The following DMD variants were observed in gnomAD, a reference collection of about 807,000 sequenced individuals.
DMD encodes the protein mutant dystrophin.
DMD carries 63 observed loss-of-function variants against 330.1 expected under a neutral mutation model. The observed-to-expected ratio is 0.19, with a 90% CI of 0.16 to 0.24. DMD has a LOEUF of 0.24. Among genes scored for constraint, DMD ranks in the 10% least tolerant of loss-of-function variants. The pLI is 1.00. For synonymous variants in DMD, 1,223 were observed against 959.8 expected (o/e 1.27, Z -5.07); for missense variants, 3,344 against 2,684.1 (o/e 1.25, Z -5.43).
At chrX:31,610,355 T>C (rs1447317492) in intron 55 of DMD, among the ~76,000 whole-genome samples, 1 of 111,832 alleles carries the variant, frequency 8.9e-6, no homozygotes, top group Non-Finnish European at 1.9e-5. Context: ...AAGTTACTAA[T>C]TAATTTGTAA....
chrX:31,552,375 AT>A (rs1249523454), intron 55 of DMD, among the ~76,000 whole-genome samples: 1 of 110,732 alleles, frequency 9.0e-6, no homozygotes, highest in Non-Finnish European at 1.9e-5. Flanking sequence ...GTCCCACTAG[AT>A]TGCTAGGGTT....
At chrX:33,174,034 C>CAAAA (rs200540950) in intron 1 of DMD, among the ~76,000 whole-genome samples, 10 of 52,731 alleles carry the variant, frequency 1.9e-4, no homozygotes, top group Non-Finnish European at 3.5e-4. Flanking sequence ...TTGGTAACTA[C>CAAAA]AAAAAAAAAA....
intron 3 of DMD, among the ~76,000 whole-genome samples, chrX:32,846,220 A>G (rs1226722370): frequency 8.9e-6 from 1 of 111,860 alleles, no homozygotes; most frequent in East Asian, 2.8e-4. Context: ...TACAGAAGTG[A>G]ACCTCAGGTT....
chrX:31,864,021 C>T (rs1298729881), intron 48 of DMD, among the ~76,000 whole-genome samples: 1 of 110,393 alleles, frequency 9.1e-6, no homozygotes, highest in African/African-American at 3.3e-5. Flanking sequence ...ATTTGGATTC[C>T]ACGGGATACA....
intron 7 of DMD, among the ~76,000 whole-genome samples, chrX:32,785,323 G>C (rs1252538637): frequency 9.0e-6 from 1 of 110,828 alleles, no homozygotes; most frequent in African/African-American, 3.3e-5. Context: ...CAATATTTAA[G>C]CTCTGACAAT....
At chrX:32,246,877 G>A (rs758184975) in intron 43 of DMD, among the ~76,000 whole-genome samples, 82 of 110,890 alleles carry the variant, frequency 7.4e-4, no homozygotes, top group African/African-American at 2.7e-3. Context: ...CTAATGTCAG[G>A]CATTGGAATT....
intron 1 of DMD, among the ~76,000 whole-genome samples, chrX:33,069,428 A>T (rs1203430629): frequency 8.9e-6 from 1 of 111,774 alleles, no homozygotes; most frequent in Non-Finnish European, 1.9e-5. Flanking sequence ...GCCAATTTAC[A>T]TACTATTCCT....
At chrX:32,734,058 G>A (rs369277238) in intron 7 of DMD, among the ~76,000 whole-genome samples, 1 of 106,787 alleles carries the variant, frequency 9.4e-6, no homozygotes, top group Non-Finnish European at 1.9e-5. Flanking sequence ...TCAAATAGAT[G>A]CAATAAAAAA....
chrX:31,735,469 T>C (rs1407652822), intron 51 of DMD, among the ~76,000 whole-genome samples: 2 of 111,958 alleles, frequency 1.8e-5, no homozygotes, highest in African/African-American at 6.5e-5. Flanking sequence ...TACCTGAATG[T>C]GTAACTGTCA....
intron 9 of DMD, among the ~76,000 whole-genome samples, chrX:32,679,870 T>C (rs1243479412): frequency 1.9e-5 from 2 of 105,767 alleles, no homozygotes; most frequent in Non-Finnish European, 3.9e-5. Flanking sequence ...GTTCACTAAA[T>C]TGTTGATGTT....
chrX:32,928,134 G>C (rs929804136), intron 2 of DMD, among the ~76,000 whole-genome samples: 1 of 110,420 alleles, frequency 9.1e-6, no homozygotes, highest in Non-Finnish European at 1.9e-5. Flanking sequence ...AGAAATATTA[G>C]AAATGCTGGC....
rs1569199566 is a variant in DMD, at chrX:32,558,944, T to TTTTTTTTTTTTC, written c.1992+6757_1992+6758insGAAAAAAAAAAA. Among the ~76,000 whole-genome samples, 51 of 38,222 alleles carry TTTTTTTTTTTTC rather than the reference T, an allele frequency of 1.3e-3. 1 individual carries two copies. Among genetic ancestry groups the TTTTTTTTTTTTC allele is most frequent in the African/African-American group, 4.1e-3 (49 of 12,004 alleles). 33.2% of individuals were successfully genotyped at this position (38,222 alleles called of 115,157 possible). On this transcript the variant is annotated intron_variant, in intron 16 of 78. Coordinates refer to ENST00000357033, the MANE Select transcript of DMD (RefSeq NM_004006.3). ...AGATGTAACTTCAAATTTTCTTTTT[T>TTTTTTTTTTTTC]TTTTTTTTTTTTTTTTTTTTTTTTG...
intron 1 of DMD, among the ~76,000 whole-genome samples, chrX:33,256,526 T>C (rs1425295868): frequency 4.5e-5 from 5 of 110,349 alleles, no homozygotes; most frequent in Non-Finnish European, 5.7e-5. Context: ...TGAGAGGAAA[T>C]ATAACATTTA....
intron 38 of DMD, among the ~76,000 whole-genome samples, chrX:32,346,418 T>A (rs2097764045): frequency 9.0e-6 from 1 of 111,323 alleles, no homozygotes; most frequent in Non-Finnish European, 1.9e-5. Flanking sequence ...ATTAAAACAT[T>A]AGAGAAATGA....
chrX:32,981,369 T>A (rs914439158), intron 2 of DMD, among the ~76,000 whole-genome samples: 6 of 111,760 alleles, frequency 5.4e-5, no homozygotes, highest in Non-Finnish European at 1.1e-4. Context: ...GAGGTTAGCA[T>A]GCTTAGCTGA....
At chrX:32,320,078 A>G (rs767862932) in intron 41 of DMD, among the ~76,000 whole-genome samples, 1 of 111,183 alleles carries the variant, frequency 9.0e-6, no homozygotes, top group East Asian at 2.9e-4. Flanking sequence ...AAGTATGGAA[A>G]GACCTTAAAT....
intron 1 of DMD, among the ~76,000 whole-genome samples, chrX:33,090,466 T>C (rs2095070638): frequency 9.2e-6 from 1 of 108,801 alleles, no homozygotes; most frequent in Admixed American, 1.0e-4. Context: ...TCATGGCTGC[T>C]CTGTGTCCAA....
chrX:32,970,638 A>AATAATG (rs1361606417), intron 2 of DMD, among the ~76,000 whole-genome samples: 1 of 90,970 alleles, frequency 1.1e-5, no homozygotes, highest in African/African-American at 5.2e-5. Flanking sequence ...CATCTCAAAT[A>AATAATG]ATACTGATAA....
At chrX:31,237,254 GAAT>G (rs2047822420) in intron 63 of DMD, among the ~76,000 whole-genome samples, 1 of 112,260 alleles carries the variant, frequency 8.9e-6, no homozygotes, top group South Asian at 3.7e-4. Context: ...CTTTATGCAT[GAAT>G]AATGAGTCCA....
Sources: gnomAD v4.1 joint callset for allele counts (sites outside exome capture counted in the v4.1 genomes callset) on GRCh38, gnomAD v4.1.1 for gene constraint, MANE v1.5 for transcripts, NCBI Gene and HGNC (gene_info 2026-07-23, HGNC 2026-07-21) for gene names.